Variants in GAS7 observed in about 807,000 individuals in gnomAD.
GAS7 encodes growth arrest specific 7.
GAS7 carries 28 observed loss-of-function variants against 71.1 expected under a neutral mutation model. The ratio of observed to expected loss-of-function variants is 0.39; its 90% confidence interval spans 0.29 to 0.54. GAS7 has a LOEUF of 0.54. GAS7 is among the 20% of genes least tolerant of loss of function. The pLI is 0.62. For missense variants in GAS7, 436 were observed against 627.8 expected (o/e 0.69, Z 3.27); for synonymous variants, 258 against 245.8 (o/e 1.05, Z -0.46).
chr17:10,121,261 G>A (rs1234495633), intron 1 of GAS7, among the ~76,000 whole-genome samples: 1 of 152,096 alleles, frequency 6.6e-6, no homozygotes, highest in East Asian at 1.9e-4. Flanking sequence ...TGCACCTGTA[G>A]TCCCAGCGAC....
chr17:10,028,842 G>A (rs1178266070), intron 1 of GAS7, among the ~76,000 whole-genome samples: 5 of 152,166 alleles, frequency 3.3e-5, no homozygotes, highest in Admixed American at 6.5e-5. Context: ...CAGAACAAAC[G>A]AGAATTGTTT....
At chr17:10,151,608 G>C (rs2074167093) in intron 1 of GAS7, among the ~76,000 whole-genome samples, 1 of 152,160 alleles carries the variant, frequency 6.6e-6, no homozygotes. Context: ...GCAATGGCAT[G>C]ATCATGGCTC....
chr17:10,130,344 A>C (rs558921924), intron 1 of GAS7, among the ~76,000 whole-genome samples: 6 of 152,114 alleles, frequency 3.9e-5, no homozygotes, highest in Non-Finnish European at 8.8e-5. Flanking sequence ...AAAAAAAAAA[A>C]AAAACGTAGA....
At chr17:10,033,815 C>T (rs1021848369) in intron 1 of GAS7, among the ~76,000 whole-genome samples, 2 of 152,206 alleles carry the variant, frequency 1.3e-5, no homozygotes, top group Non-Finnish European at 2.9e-5. Flanking sequence ...ATGGAAGCAG[C>T]TCATTTCCCC....
At chr17:10,179,018 G>A (rs2074394732) in intron 1 of GAS7, among the ~76,000 whole-genome samples, 1 of 152,002 alleles carries the variant, frequency 6.6e-6, no homozygotes, top group African/African-American at 2.4e-5. Flanking sequence ...CCTCTGCCAT[G>A]TCACAAGACA....
intron 1 of GAS7, among the ~76,000 whole-genome samples, chr17:10,057,982 T>C (rs1280943506): frequency 6.6e-6 from 1 of 152,234 alleles, no homozygotes; most frequent in African/African-American, 2.4e-5. Context: ...ATGTGCTGTG[T>C]CCACTCAGGG....
intron 1 of GAS7, among the ~76,000 whole-genome samples, chr17:10,125,197 T>C (rs969180757): frequency 2.0e-5 from 3 of 151,860 alleles, no homozygotes; most frequent in Non-Finnish European, 4.4e-5. Flanking sequence ...ATGATAGAAA[T>C]ATATTCTGAG....
rs546128102 is a variant in GAS7 at position 10,063,182 on chromosome 17, T to C, written c.184-43285A>G. Reference sequence around the variant, plus strand: ...GACAGGCAGAACTTGCTAATGCCACTTCTTTGTCATTCTTGCAAAAGGAGT... The same window carrying C: ...GACAGGCAGAACTTGCTAATGCCACCTCTTTGTCATTCTTGCAAAAGGAGT... On this transcript the variant is annotated intron_variant, in intron 1 of 13. Transcript: ENST00000432992. Among the ~76,000 whole-genome samples the C allele has an allele frequency of 6.6e-5, 10 of 152,364 alleles. No homozygotes were observed. In the South Asian group the frequency reaches 1.9e-3, roughly 28 times the overall value.
chr17:9,978,915 G>T (rs2070307316), intron 3 of GAS7, among the ~76,000 whole-genome samples: 1 of 152,068 alleles, frequency 6.6e-6, no homozygotes, highest in Admixed American at 6.5e-5. Flanking sequence ...AACATTTAGG[G>T]CCAGGTGATT....
chr17:10,171,661 A>G (rs1157591613), intron 1 of GAS7, among the ~76,000 whole-genome samples: 10 of 152,232 alleles, frequency 6.6e-5, no homozygotes, highest in Admixed American at 6.5e-4. Context: ...CTTATCTGCC[A>G]TAAAAACCAG....
chr17:10,043,823 A>C (rs1327384257), intron 1 of GAS7, among the ~76,000 whole-genome samples: 1 of 152,192 alleles, frequency 6.6e-6, no homozygotes, highest in Non-Finnish European at 1.5e-5. Context: ...AGACCCAGCT[A>C]CTAGGCAGAC....
chr17:10,126,927 T>C (rs2142082823), intron 1 of GAS7, among the ~76,000 whole-genome samples: 1 of 152,330 alleles, frequency 6.6e-6, no homozygotes, highest in African/African-American at 2.4e-5. Context: ...TAGAGAGTCC[T>C]GGTATCCTTG....
chr17:10,097,528 C>T (rs28367368), intron 1 of GAS7, among the ~76,000 whole-genome samples: 2,885 of 152,302 alleles, frequency 0.019, 102 homozygotes, highest in African/African-American at 0.065. Flanking sequence ...GAAGCAGGTG[C>T]AGCAGCTCTT....
intron 1 of GAS7, among the ~76,000 whole-genome samples, chr17:10,045,411 T>C (rs1301711029): frequency 2.0e-5 from 3 of 151,986 alleles, no homozygotes; most frequent in Non-Finnish European, 4.4e-5. Context: ...AGATTCCTAG[T>C]ATTGGCCGGG....
intron 1 of GAS7, among the ~76,000 whole-genome samples, chr17:10,187,265 C>T (rs1297930254): frequency 2.0e-5 from 3 of 152,132 alleles, no homozygotes; most frequent in Non-Finnish European, 2.9e-5. Context: ...GGAGGTCTTG[C>T]GGCTTTGGAC....
chr17:9,948,582 C>T (rs953771579), intron 5 of GAS7, among the ~76,000 whole-genome samples: 2 of 152,010 alleles, frequency 1.3e-5, no homozygotes, highest in Non-Finnish European at 2.9e-5. Context: ...ACTCAGGAGG[C>T]TGAGGCAGGA....
chr17:10,046,438 T>A (rs1597745228), intron 1 of GAS7, among the ~76,000 whole-genome samples: 1 of 142,296 alleles, frequency 7.0e-6, no homozygotes. Context: ...ATGAAGGAAA[T>A]GCAGAAAATC....
At chr17:10,028,052 T>G (rs1468965088) in intron 1 of GAS7, among the ~76,000 whole-genome samples, 2 of 152,146 alleles carry the variant, frequency 1.3e-5, no homozygotes, top group African/African-American at 2.4e-5. Flanking sequence ...CCCAGCTAAT[T>G]TTTGTATTTT....
chr17:10,126,759 G>C (rs1403181413), intron 1 of GAS7, among the ~76,000 whole-genome samples: 3 of 152,198 alleles, frequency 2.0e-5, no homozygotes, highest in Non-Finnish European at 4.4e-5. Context: ...CCCAGCGTGG[G>C]GCACGGGGAA....
Sources: gnomAD v4.1 joint callset for allele counts (sites outside exome capture counted in the v4.1 genomes callset) on GRCh38, gnomAD v4.1.1 for gene constraint, MANE v1.5 for transcripts, NCBI Gene and HGNC (gene_info 2026-07-23, HGNC 2026-07-21) for gene names.